Variants in CNTLN observed in about 807,000 individuals in gnomAD.
CNTLN encodes centlein, centrosomal protein.
CNTLN carries 212 observed loss-of-function variants against 180.0 expected under a neutral mutation model. The observed-to-expected ratio is 1.18, with a 90% confidence interval of 1.05 to 1.32. CNTLN has a LOEUF of 1.32. Among genes scored for constraint, CNTLN ranks in the 40% most tolerant of loss-of-function variants. CNTLN has a pLI of 0.00. For synonymous variants in CNTLN, 722 were observed against 563.1 expected (o/e 1.28, Z -3.99); for missense variants, 2,095 against 1,610.9 (o/e 1.30, Z -5.14).
At chr9:17,249,761 T>C (rs1173832730) in intron 5 of CNTLN, among the ~76,000 whole-genome samples, 1 of 151,778 alleles carries the variant, frequency 6.6e-6, no homozygotes, top group Non-Finnish European at 1.5e-5. Flanking sequence ...TATATTACTG[T>C]TTTAACATTT....
intron 25 of CNTLN, among the ~76,000 whole-genome samples, chr9:17,493,318 T>C (rs1025159395): frequency 3.3e-5 from 5 of 152,314 alleles, no homozygotes; most frequent in Middle Eastern, 3.4e-3. Flanking sequence ...TAATATTCAT[T>C]TCCATTATGA....
intron 22 of CNTLN, 52 bp from the exon 23 acceptor site, chr9:17,466,654 C>T (rs1361690139): frequency 1.4e-6 from 2 of 1,468,200 alleles, no homozygotes; most frequent in African/African-American, 1.4e-5. Context: ...ACTAACTCTT[C>T]CAAATCTGTT....
At chr9:17,171,475 G>A (rs983102636) in intron 2 of CNTLN, among the ~76,000 whole-genome samples, 1 of 152,202 alleles carries the variant, frequency 6.6e-6, no homozygotes, top group Non-Finnish European at 1.5e-5. Context: ...CCAAGGCTGC[G>A]TGTGTTACAA....
At chr9:17,483,960 T>C (rs918398692) in intron 23 of CNTLN, among the ~76,000 whole-genome samples, 2 of 152,186 alleles carry the variant, frequency 1.3e-5, no homozygotes, top group Admixed American at 6.5e-5. Context: ...AGAACCTGAC[T>C]CTTAGTGTTA....
intron 2 of CNTLN, among the ~76,000 whole-genome samples, chr9:17,157,435 G>A (rs1176831334): frequency 3.3e-5 from 5 of 152,174 alleles, no homozygotes; most frequent in Non-Finnish European, 7.3e-5. Context: ...TAGAGAAAGG[G>A]GGTGGGGTAA....
At chr9:17,355,880 T>G (rs12216899) in intron 12 of CNTLN, among the ~76,000 whole-genome samples, 66 of 126,438 alleles carry the variant, frequency 5.2e-4, no homozygotes, top group African/African-American at 1.6e-3. Context: ...CTGGCCAACA[T>G]AGTGAAAGCC....
intron 8 of CNTLN, among the ~76,000 whole-genome samples, 195 bp from the exon 9 acceptor site, chr9:17,330,437 C>T (rs77071787): frequency 0.045 from 6,878 of 151,900 alleles, 213 homozygotes; most frequent in South Asian, 0.15. Context: ...CATATAGACT[C>T]TTGGTTATTT....
At chr9:17,528,350 C>T in the CNTLN span, among the ~76,000 whole-genome samples, 18 of 152,316 alleles carry the variant, frequency 1.2e-4, no homozygotes, top group South Asian at 2.5e-3. Context: ...TGGAGCTTTA[C>T]CTCTGTGGTC....
downstream of CNTLN, among the ~76,000 whole-genome samples, chr9:17,506,020 C>A (rs1230679298): frequency 6.6e-6 from 1 of 151,530 alleles, no homozygotes; most frequent in East Asian, 1.9e-4. Flanking sequence ...AAAAGCAATT[C>A]AATAGAGGCA....
chr9:17,438,233 T>A (rs1829894124), intron 18 of CNTLN, among the ~76,000 whole-genome samples: 1 of 152,016 alleles, frequency 6.6e-6, no homozygotes. Context: ...AGACTAAGGC[T>A]CGAGAGACTA....
chr9:17,138,550 T>G (rs1348464321), intron 1 of CNTLN, among the ~76,000 whole-genome samples: 2 of 152,212 alleles, frequency 1.3e-5, no homozygotes, highest in Non-Finnish European at 2.9e-5. Context: ...GAAAAACAAA[T>G]TTGAGAACTT....
chr9:17,294,756 C>G (rs1464527656), intron 6 of CNTLN, among the ~76,000 whole-genome samples: 2 of 110,848 alleles, frequency 1.8e-5, no homozygotes, highest in African/African-American at 6.9e-5. Context: ...TGTGGCTGCG[C>G]AGGAGCCCAC....
intron 6 of CNTLN, among the ~76,000 whole-genome samples, chr9:17,292,593 G>A (rs1829487173): frequency 6.6e-6 from 1 of 152,002 alleles, no homozygotes; most frequent in African/African-American, 2.4e-5. Flanking sequence ...GGTCAGTTTG[G>A]CTGTTGATAC....
chr9:17,309,815 A>G (rs6475128), intron 8 of CNTLN, among the ~76,000 whole-genome samples: 120,688 of 151,910 alleles, frequency 0.79, 48,661 homozygotes, highest in Non-Finnish European at 0.87. Flanking sequence ...TTTTTAGATA[A>G]TCTTCAGGGC....
chr9:17,167,530 C>T (rs1262696281), intron 2 of CNTLN: 2 of 152,122 alleles, frequency 1.3e-5, no homozygotes, highest in African/African-American at 4.8e-5. Context: ...CTGATAGAAC[C>T]TAAAAGGCAG....
At chr9:17,417,525 T>C (rs1266341238) in intron 18 of CNTLN, among the ~76,000 whole-genome samples, 2 of 152,078 alleles carry the variant, frequency 1.3e-5, no homozygotes, top group Non-Finnish European at 2.9e-5. Context: ...TTTTTGGTGT[T>C]CTCTTAAATA....
intron 6 of CNTLN, among the ~76,000 whole-genome samples, chr9:17,286,756 C>G (rs1311091854): frequency 9.0e-6 from 1 of 111,220 alleles, no homozygotes; most frequent in African/African-American, 4.3e-5. Flanking sequence ...GTATTTTATT[C>G]TCTTTGAAGC....
At position 17,484,377 on chromosome 9, in the gene CNTLN, A is replaced by G. The variant is rs1230132563; in HGVS notation, c.3938A>G (p.Asp1313Gly). The change falls in exon 24 of 26, where the codon GAC becomes GGC. Residue 1313 changes from aspartate to glycine, a missense_variant. Transcript: ENST00000380647. Reference protein sequence around the residue: ...RELKKMKKNRDACKTSTHKAQ... With the variant: ...RELKKMKKNRGACKTSTHKAQ... ...CTTAAAAAAATGAAGAAAAACAGGG[A>G]CGCCTGTAAAACCTCAACCCATAAA... 1.2e-6 allele frequency: 2 copies of G among 1,612,732 alleles called. No homozygotes were observed. Among genetic ancestry groups the G allele is most frequent in the Non-Finnish European group, 1.7e-6 (2 of 1,179,520 alleles).
At chr9:17,463,414 C>G (rs1055320286) in intron 20 of CNTLN, among the ~76,000 whole-genome samples, 5 of 151,480 alleles carry the variant, frequency 3.3e-5, no homozygotes, top group Non-Finnish European at 7.4e-5. Flanking sequence ...TTTAAAATAA[C>G]TGGAGGTTAT....
Sources: gnomAD v4.1 joint callset for allele counts (sites outside exome capture counted in the v4.1 genomes callset) on GRCh38, gnomAD v4.1.1 for gene constraint, MANE v1.5 for transcripts, NCBI Gene and HGNC (gene_info 2026-07-23, HGNC 2026-07-21) for gene names.